The following MRPL3 variants were observed in gnomAD, a reference collection of about 807,000 sequenced individuals.
The protein encoded by MRPL3 is mitochondrial ribosomal protein L3.
MRPL3 carries 43 observed loss-of-function variants against 44.3 expected under a neutral mutation model. The observed-to-expected ratio is 0.97, with a 90% CI of 0.76 to 1.25. The LOEUF is 1.25. Among genes scored for constraint, MRPL3 ranks in the 50% most tolerant of loss-of-function variants. MRPL3 has a pLI of 0.00. For missense variants in MRPL3, 406 were observed against 427.6 expected, an observed-to-expected ratio of 0.95 and a Z score of 0.45; for synonymous variants, 171 against 152.3, an observed-to-expected ratio of 1.12 and a Z score of -0.91.
At chr3:131,502,022 G>A in intron 1 of MRPL3, 1 of 948,824 alleles carries the variant, frequency 1.1e-6, no homozygotes, top group South Asian at 1.6e-5. Context: ...ATTTGGAAGT[G>A]TACCTTAATA....
chr3:131,487,542 A>G (rs1448563520), intron 6 of MRPL3, 138 bp downstream of exon 6: 2 of 711,890 alleles, frequency 2.8e-6, no homozygotes, highest in East Asian at 2.9e-5. Context: ...TGTAGGTAAC[A>G]TGAAAGATTT....
chr3:131,496,103 G>C (rs1349636497), intron 4 of MRPL3, among the ~76,000 whole-genome samples: 2 of 152,046 alleles, frequency 1.3e-5, no homozygotes, highest in Non-Finnish European at 2.9e-5. Flanking sequence ...GGCCATGAAG[G>C]CATCAATTTA....
In MRPL3 at chr3:131,462,464, C is replaced by A. The variant is rs1933511044; in HGVS notation, c.*259G>T. 3.3e-6 allele frequency: 1 copy of A among 302,766 alleles called. No individual in the cohort carries two copies. Among genetic ancestry groups the A allele is most frequent in the Admixed American group, 5.0e-5 (1 of 20,044 alleles). 18.8% of individuals were successfully genotyped at this position (302,766 alleles called of 1,614,324 possible). A position where few individuals can be genotyped will look rare whatever the true frequency, so the allele number is the denominator to read the frequency against. On this transcript the variant is annotated 3_prime_UTR_variant, in exon 10 of 10. Coordinates refer to ENST00000264995, the MANE Select transcript of MRPL3 (RefSeq NM_007208.4). ...AATATGTAGTAAAAAAGAATCGAGT[C>A]CACAAATTAAGAATATTTTGCTAAT...
chr3:131,466,753 T>C (rs1307983071), intron 9 of MRPL3, among the ~76,000 whole-genome samples: 2 of 151,990 alleles, frequency 1.3e-5, no homozygotes. Flanking sequence ...ATATGTATGG[T>C]GTGATGTCTC....
chr3:131,492,721 C>A (rs1204574685), intron 4 of MRPL3, among the ~76,000 whole-genome samples: 1 of 151,952 alleles, frequency 6.6e-6, no homozygotes, highest in Non-Finnish European at 1.5e-5. Context: ...AACAGCCTCC[C>A]CATTTCACCC....
chr3:131,467,983 G>T, intron 9 of MRPL3, 108 bp downstream of exon 9: 1 of 539,478 alleles, frequency 1.9e-6, no homozygotes, highest in Non-Finnish European at 3.1e-6. Context: ...AGACTTTATG[G>T]CAAATATCCA....
chr3:131,477,798 G>A (rs537223189), intron 6 of MRPL3, among the ~76,000 whole-genome samples: 23 of 152,032 alleles, frequency 1.5e-4, no homozygotes, highest in South Asian at 6.2e-4. Flanking sequence ...TCTTAACATC[G>A]GTGTTTAGAT....
intron 1 of MRPL3, chr3:131,501,952 G>A (rs562550368): frequency 1.3e-6 from 2 of 1,516,546 alleles, no homozygotes; most frequent in Middle Eastern, 2.0e-4. Flanking sequence ...TCTTCTCCTC[G>A]CAGATAAACA....
intron 5 of MRPL3, 122 bp from the exon 6 acceptor site, chr3:131,487,862 C>A: frequency 2.9e-6 from 2 of 687,402 alleles, no homozygotes. Flanking sequence ...AGATTCTCTT[C>A]TGCAATTAGA....
intron 4 of MRPL3, among the ~76,000 whole-genome samples, chr3:131,493,041 G>A (rs1055412119): frequency 1.3e-5 from 2 of 152,040 alleles, no homozygotes; most frequent in African/African-American, 4.8e-5. Context: ...ATATAACATA[G>A]TACATCTATT....
intron 4 of MRPL3, among the ~76,000 whole-genome samples, chr3:131,490,420 C>T (rs1157000678): frequency 6.6e-6 from 1 of 152,098 alleles, no homozygotes; most frequent in Non-Finnish European, 1.5e-5. Context: ...ACCCAAACCC[C>T]GAAAAATCAA....
chr3:131,487,242 T>C (rs538147611), intron 6 of MRPL3: 67 of 157,688 alleles, frequency 4.2e-4, no homozygotes, highest in South Asian at 2.4e-3. Context: ...TAGGTGGGAA[T>C]TGAACAATGA....
At chr3:131,476,687 T>C (rs938396227) in intron 6 of MRPL3, among the ~76,000 whole-genome samples, 3 of 152,214 alleles carry the variant, frequency 2.0e-5, no homozygotes, top group African/African-American at 7.2e-5. Flanking sequence ...TATACTAAAA[T>C]ATAGAAATTC....
chr3:131,465,345 A>G (rs1049816872), intron 9 of MRPL3, among the ~76,000 whole-genome samples: 1 of 152,196 alleles, frequency 6.6e-6, no homozygotes, highest in Admixed American at 6.6e-5. Flanking sequence ...TCTGAGTAAT[A>G]AATGTTACTG....
chr3:131,482,890 C>T (rs1934021866), intron 6 of MRPL3, among the ~76,000 whole-genome samples: 1 of 100,550 alleles, frequency 9.9e-6, no homozygotes, highest in East Asian at 2.1e-4. Flanking sequence ...CCATCTCTGT[C>T]CTTCAAGTCC....
At chr3:131,489,390 CAA>C (rs886996306) in intron 5 of MRPL3, among the ~76,000 whole-genome samples, 5 of 152,134 alleles carry the variant, frequency 3.3e-5, no homozygotes, top group Admixed American at 3.3e-4. Flanking sequence ...TATTAAATAC[CAA>C]ATCTTAAAGC....
At chr3:131,467,818 T>A (rs1434519739) in intron 9 of MRPL3, among the ~76,000 whole-genome samples, 1 of 152,102 alleles carries the variant, frequency 6.6e-6, no homozygotes, top group Non-Finnish European at 1.5e-5. Context: ...ATACACAGCC[T>A]TACCCTTTTT....
chr3:131,468,222 G>C, intron 8 of MRPL3, 54 bp from the exon 9 acceptor site: 3 of 1,010,718 alleles, frequency 3.0e-6, no homozygotes, highest in Non-Finnish European at 1.5e-6. Flanking sequence ...TTAAAACAAT[G>C]TTACTAAAAG....
intron 4 of MRPL3, among the ~76,000 whole-genome samples, chr3:131,494,935 T>C (rs1328326255): frequency 1.3e-5 from 2 of 152,184 alleles, no homozygotes; most frequent in African/African-American, 4.8e-5. Flanking sequence ...TCTGCAATTA[T>C]CCTTCCCACA....
Sources: gnomAD v4.1 joint callset for allele counts (sites outside exome capture counted in the v4.1 genomes callset) on GRCh38, gnomAD v4.1.1 for gene constraint, MANE v1.5 for transcripts, NCBI Gene and HGNC (gene_info 2026-07-23, HGNC 2026-07-21) for gene names.